The following TBC1D32 variants were observed in gnomAD, a reference collection of about 807,000 sequenced individuals.
TBC1D32 encodes protein broad-minded.
Under a neutral mutation model 170.3 loss-of-function variants are expected in TBC1D32, and 151 were observed. The observed-to-expected ratio is 0.89, with a 90% CI of 0.78 to 1.01. TBC1D32 has a LOEUF of 1.01. TBC1D32 is among the 50% of genes least tolerant of loss of function. The pLI is 0.00. For synonymous variants in TBC1D32, 498 were observed against 488.0 expected (o/e 1.02, Z -0.27); for missense variants, 1,464 against 1,457.1 (o/e 1.00, Z -0.08).
intron 24 of TBC1D32, among the ~76,000 whole-genome samples, chr6:121,135,482 G>C (rs1390486003): frequency 1.3e-5 from 2 of 152,092 alleles, no homozygotes; most frequent in Admixed American, 6.5e-5. Context: ...TCTGAGAAAA[G>C]GGAAACCAAT....
chr6:121,240,877 C>CAAAA (rs35249678), intron 19 of TBC1D32, among the ~76,000 whole-genome samples: 32 of 83,772 alleles, frequency 3.8e-4, no homozygotes, highest in South Asian at 5.4e-4. Context: ...TTCTGTCTCA[C>CAAAA]AAAAAAAAAA....
intron 4 of TBC1D32, 137 bp downstream of exon 4, chr6:121,310,642 G>C (rs111828906): frequency 1.6e-6 from 1 of 620,474 alleles, no homozygotes; most frequent in Non-Finnish European, 2.8e-6. Flanking sequence ...AAGTTTACCA[G>C]GGATATCAGT....
At chr6:121,159,954 TCAAA>T in intron 24 of TBC1D32, 52 bp downstream of exon 24, 1 of 1,286,496 alleles carries the variant, frequency 7.8e-7, no homozygotes, top group Non-Finnish European at 1.1e-6. Flanking sequence ...TTTCTTTTTT[TCAAA>T]TTATAACAAA....
chr6:121,228,097 T>C (rs1262153816), intron 20 of TBC1D32, among the ~76,000 whole-genome samples: 3 of 152,170 alleles, frequency 2.0e-5, no homozygotes, highest in African/African-American at 7.2e-5. Flanking sequence ...TATTATCCTT[T>C]AATATCTGTG....
intron 29 of TBC1D32, among the ~76,000 whole-genome samples, chr6:121,111,451 G>C (rs1779196684): frequency 6.6e-6 from 1 of 152,136 alleles, no homozygotes; most frequent in Non-Finnish European, 1.5e-5. Flanking sequence ...AAGTGAAAAA[G>C]AGAAAAGGCT....
chr6:121,286,381 G>A (rs533030502), intron 12 of TBC1D32, among the ~76,000 whole-genome samples: 3 of 152,204 alleles, frequency 2.0e-5, no homozygotes, highest in Admixed American at 6.5e-5. Flanking sequence ...TGGAAGAAAC[G>A]GTATCAGTGA....
intron 20 of TBC1D32, among the ~76,000 whole-genome samples, chr6:121,225,350 A>C (rs1329623355): frequency 1.3e-5 from 2 of 152,082 alleles, no homozygotes; most frequent in Admixed American, 1.3e-4. Context: ...TAATGTCCTT[A>C]ATATTAATCC....
chr6:121,126,033 AT>A lies in TBC1D32; in HGVS notation c.2983+344del, dbSNP rs1780806540. On this transcript the variant is annotated intron_variant, in intron 26 of 31. Coordinates refer to ENST00000398212, the MANE Select transcript of TBC1D32 (RefSeq NM_152730.6). Reference sequence around the variant, plus strand: ...GTAGATCTTTGAGTGAACGATGTAAATTTTGAAATCATCAATATATGAGAGA... The same window carrying A: ...GTAGATCTTTGAGTGAACGATGTAAATTTGAAATCATCAATATATGAGAGA... 2.0e-5 allele frequency among the ~76,000 whole-genome samples: 3 copies of A among 152,358 alleles called. No homozygotes were observed. In the South Asian group the frequency reaches 6.2e-4, roughly 32 times the overall value.
chr6:121,237,473 G>A (rs1004107226), intron 20 of TBC1D32, among the ~76,000 whole-genome samples: 1 of 151,650 alleles, frequency 6.6e-6, no homozygotes, highest in Non-Finnish European at 1.5e-5. Context: ...CTATTATTTA[G>A]TCAAATGTAT....
rs529459228 is a variant in TBC1D32, at chr6:121,279,924, T to A, written c.1609-679A>T. Among the ~76,000 whole-genome samples, 5 of 152,106 alleles carry A rather than the reference T, an allele frequency of 3.3e-5. No homozygotes were observed. The South Asian group carries it at 1.0e-3, about 31-fold the overall frequency. On this transcript the variant is annotated intron_variant, in intron 14 of 31. Transcript: ENST00000398212. ...ATTCCTGCTCTTTGTGGGGTCTGCT[T>A]ATTTACCTGTACCTGCATGGATGCC...
intron 24 of TBC1D32, among the ~76,000 whole-genome samples, chr6:121,134,464 T>G (rs1323887041): frequency 1.3e-5 from 2 of 152,114 alleles, no homozygotes; most frequent in East Asian, 1.9e-4. Context: ...AGATGTGGTA[T>G]GCGCCTGAAT....
intron 21 of TBC1D32, among the ~76,000 whole-genome samples, chr6:121,207,338 T>C (rs1792408047): frequency 6.6e-6 from 1 of 152,192 alleles, no homozygotes; most frequent in Admixed American, 6.5e-5. Context: ...AACTATTTGA[T>C]AGCCACTGAC....
At chr6:121,158,599 T>C (rs183357129) in intron 24 of TBC1D32, among the ~76,000 whole-genome samples, 13 of 152,274 alleles carry the variant, frequency 8.5e-5, no homozygotes, top group Non-Finnish European at 1.6e-4. Flanking sequence ...AATTGCCATG[T>C]GGAGTGCTGG....
intron 1 of TBC1D32, among the ~76,000 whole-genome samples, chr6:121,328,665 G>A (rs1170013995): frequency 6.6e-6 from 1 of 152,082 alleles, no homozygotes; most frequent in Non-Finnish European, 1.5e-5. Context: ...TGTGAAGCAG[G>A]TTTGCTTCAG....
chr6:121,334,297 T>A lies in TBC1D32; in HGVS notation c.134A>T (p.Glu45Val). Residue 45 changes from glutamate to valine, a missense_variant, in exon 1 of 32, where the codon GAA (glutamate) becomes GTA (valine). Transcript: ENST00000398212. The part of the protein sequence containing the change: ...CAEEILLHLE[E>V]TDENFHNYEF... ...TTACTTGTGAAAATTTTCATCAGTT[T>A]CCTCCAGATGTAAAAGAATCTCTTC... 1.2e-6 allele frequency: 2 copies of A among 1,614,038 alleles called. No homozygotes were observed. The highest frequency in any genetic ancestry group is 1.7e-6 in the Non-Finnish European group (2 of 1,179,988).
rs1778651259 is a variant in TBC1D32, at chr6:121,106,071, C to G, written c.3417G>C (p.Leu1139Phe). Reference sequence around the variant, plus strand: ...TGTGAAAAGCTGAAAACACAAGAGGCAACTCAGCCTTCAGTAGCATTTCAA... The same window carrying G: ...TGTGAAAAGCTGAAAACACAAGAGGGAACTCAGCCTTCAGTAGCATTTCAA... ...HYIEMLLKAE[L>F]PLVFSAFHMS... The change falls in exon 30 of 32, where the codon TTG becomes TTC. Residue 1139 changes from leucine to phenylalanine, a missense_variant. Leu to Phe is a conservative substitution (Grantham distance 22). This residue lies in a region of TBC1D32 where 1,363 missense variants were observed against 1,338.1 expected (regional missense o/e 1.02). Transcript: ENST00000398212. 1 of 1,608,846 alleles carries G rather than the reference C, an allele frequency of 6.2e-7. No homozygotes were observed. Among genetic ancestry groups the G allele is most frequent in the Admixed American group, 1.7e-5 (1 of 59,914 alleles).
chr6:121,324,987 A>G (rs138489500), intron 1 of TBC1D32, among the ~76,000 whole-genome samples: 1 of 152,184 alleles, frequency 6.6e-6, no homozygotes, highest in South Asian at 2.1e-4. Flanking sequence ...AAGCAGGTGG[A>G]TCACCAGAGG....
At chr6:121,117,715 C>T (rs925074106) in intron 26 of TBC1D32, among the ~76,000 whole-genome samples, 1 of 150,692 alleles carries the variant, frequency 6.6e-6, no homozygotes, top group African/African-American at 2.4e-5. Flanking sequence ...AAAACAAAAA[C>T]AAAAAAAAGA....
intron 22 of TBC1D32, among the ~76,000 whole-genome samples, chr6:121,188,773 C>T (rs973926746): frequency 1.3e-5 from 2 of 152,010 alleles, no homozygotes; most frequent in Non-Finnish European, 2.9e-5. Context: ...ACATTTATTA[C>T]TTCAATAAAA....
Sources: allele counts gnomAD v4.1 joint callset (sites outside exome capture counted in the v4.1 genomes callset), GRCh38; gene constraint gnomAD v4.1.1; regional missense constraint gnomAD v4.1.1; transcripts MANE v1.5; gene names NCBI Gene and HGNC (gene_info 2026-07-23, HGNC 2026-07-21).